The following KANK1 variants were observed in gnomAD, a reference collection of about 807,000 sequenced individuals.
KANK1 encodes KN motif and ankyrin repeat domain-containing protein 1.
In KANK1, 109 loss-of-function variants were observed where a neutral mutation model predicts 106.2. The ratio of observed to expected loss-of-function variants is 1.03; its 90% CI spans 0.88 to 1.20. The LOEUF is 1.20. Ranked by LOEUF, KANK1 falls within the 50% of genes most tolerant of loss-of-function variation. The probability of loss-of-function intolerance (pLI) is 0.00; values close to 1 mark genes in which losing one functional copy is unlikely to be tolerated. For synonymous variants in KANK1, 873 were observed against 652.2 expected, an observed-to-expected ratio of 1.34 and a Z score of -5.16; for missense variants, 2,399 against 1,710.7, an observed-to-expected ratio of 1.40 and a Z score of -7.10.
At chr9:618,868 A>G (rs183796761) in intron 1 of KANK1, among the ~76,000 whole-genome samples, 1 of 152,308 alleles carries the variant, frequency 6.6e-6, no homozygotes, top group East Asian at 1.9e-4. Flanking sequence ...TCTCCACCTT[A>G]TTAATCCATG....
intron 3 of KANK1, among the ~76,000 whole-genome samples, chr9:719,879 C>T (rs1031469762): frequency 6.6e-6 from 1 of 152,170 alleles, no homozygotes; most frequent in Non-Finnish European, 1.5e-5. Flanking sequence ...CACCTTCCAG[C>T]TCTAGTTTCA....
intron 1 of KANK1, among the ~76,000 whole-genome samples, chr9:548,255 G>A (rs1260470599): frequency 1.3e-5 from 2 of 152,114 alleles, no homozygotes; most frequent in Non-Finnish European, 2.9e-5. Flanking sequence ...AGTAAAAGTG[G>A]TTACAAAAGA....
At chr9:528,218 G>A (rs1434648061) in intron 1 of KANK1, among the ~76,000 whole-genome samples, 3 of 151,382 alleles carry the variant, frequency 2.0e-5, no homozygotes, top group Non-Finnish European at 4.4e-5. Context: ...CATTTTTCTG[G>A]GCACACAATG....
upstream of KANK1, among the ~76,000 whole-genome samples, chr9:503,294 T>TAC (rs750971655): frequency 6.6e-6 from 1 of 152,116 alleles, no homozygotes; most frequent in African/African-American, 2.4e-5. Context: ...CCAAATGCCC[T>TAC]ACTCTACAGA....
chr9:643,686 T>G (rs1325612315), intron 1 of KANK1, among the ~76,000 whole-genome samples: 1 of 149,490 alleles, frequency 6.7e-6, no homozygotes, highest in Non-Finnish European at 1.5e-5. Flanking sequence ...AGCATTGATT[T>G]GTGGGGGTTT....
At chr9:535,145 A>G (rs1400288705) in intron 1 of KANK1, among the ~76,000 whole-genome samples, 1 of 152,144 alleles carries the variant, frequency 6.6e-6, no homozygotes, top group African/African-American at 2.4e-5. Context: ...GAGTCACCCA[A>G]AGAAACAACG....
At chr9:520,558 G>T (rs1468981084) in intron 1 of KANK1, among the ~76,000 whole-genome samples, 13 of 151,626 alleles carry the variant, frequency 8.6e-5, no homozygotes, top group African/African-American at 2.7e-4. Flanking sequence ...GGAGGTTAGC[G>T]AATAATTGAA....
chr9:694,070 T>C (rs1453254507), intron 2 of KANK1, among the ~76,000 whole-genome samples: 1 of 152,174 alleles, frequency 6.6e-6, no homozygotes, highest in Non-Finnish European at 1.5e-5. Flanking sequence ...AATAATTTCC[T>C]TTTTTGTTGC....
At position 686,752 on chromosome 9, in the gene KANK1, G is replaced by A. The variant is rs779222381; in HGVS notation, c.37+9743G>A. ...ATGATTGTTACCTATGAGCCTATCC[G>A]GTAAGGGATCTGAGTGGGCCCAAGC... On this transcript the variant is annotated intron_variant, in intron 2 of 11. Coordinates refer to ENST00000382297, the MANE Select transcript of KANK1 (RefSeq NM_015158.5). The A allele has an allele frequency of 1.3e-5, 13 of 985,182 alleles. No homozygotes were observed. In the East Asian group the frequency reaches 6.8e-4, roughly 52 times the overall value. The allele number at this position is 985,182 out of a possible 1,614,324, so 61.0% of individuals were successfully genotyped here. A position where few individuals can be genotyped will look rare whatever the true frequency, so the allele number is the denominator to read the frequency against.
At chr9:531,338 C>T (rs888850481) in intron 1 of KANK1, among the ~76,000 whole-genome samples, 3 of 151,852 alleles carry the variant, frequency 2.0e-5, no homozygotes, top group Non-Finnish European at 4.4e-5. Flanking sequence ...GACTGAGGTG[C>T]GAGGGTTGCT....
chr9:732,466 C>T lies in KANK1; in HGVS notation c.3094C>T (p.Leu1032Phe). ...DDECDVIEYP[L>F]EEEEEEEDED... is the part of the protein sequence containing the mutation. ...CGAGTGTGATGTCATTGAGTATCCTCTTGAAGAAGAGGAGGAGGAGGAGGA... is the reference window on the plus strand; with the variant it reads ...CGAGTGTGATGTCATTGAGTATCCTTTTGAAGAAGAGGAGGAGGAGGAGGA... The change falls in exon 6 of 12, where the codon CTT becomes TTT. Residue 1032 changes from leucine to phenylalanine, a missense_variant. Leu to Phe is a conservative substitution (Grantham distance 22). Transcript: ENST00000382297. 6.2e-7 allele frequency: 1 copy of T among 1,614,068 alleles called. No individual in the cohort carries two copies. The highest frequency in any genetic ancestry group is 8.5e-7 in the Non-Finnish European group (1 of 1,180,016).
intron 3 of KANK1, chr9:476,643 C>G (rs963567376): frequency 9.8e-5 from 15 of 152,322 alleles, no homozygotes; most frequent in African/African-American, 3.6e-4. Flanking sequence ...TACCGTCTTT[C>G]CTGCCCAGCT....
intron 7 of KANK1, chr9:735,612 C>G (rs1275809030): frequency 1.4e-5 from 3 of 219,156 alleles, no homozygotes; most frequent in Admixed American, 4.0e-5. Flanking sequence ...TACTCAAGTC[C>G]CTTATGTAAA....
At chr9:730,700 CGAAA>C (rs1564101238) in intron 4 of KANK1, 3 of 189,782 alleles carry the variant, frequency 1.6e-5, no homozygotes, top group Non-Finnish European at 3.3e-5. Context: ...CTCAAAATTA[CGAAA>C]GAAAGCTGTA....
rs527903847 is a variant in KANK1, at chr9:630,510, C to T, written c.-83-46380C>T. Among the ~76,000 whole-genome samples, 6 of 152,094 alleles carry T rather than the reference C, an allele frequency of 3.9e-5. No individual in the cohort carries two copies. The South Asian group carries it at 1.2e-3, about 32-fold the overall frequency. ...AGCTTGCAGTGAGCTGAGATCCCGC[C>T]ACTGCACTGCAGCCTGGGCGACAGA... On this transcript the variant is annotated intron_variant, in intron 1 of 11. Coordinates refer to ENST00000382297, the MANE Select transcript of KANK1 (RefSeq NM_015158.5).
At chr9:597,205 A>C (rs939617776) in intron 1 of KANK1, among the ~76,000 whole-genome samples, 1 of 151,722 alleles carries the variant, frequency 6.6e-6, no homozygotes, top group African/African-American at 2.4e-5. Context: ...TAAGTACTTG[A>C]GTCCCTGTTT....
At chr9:637,510 G>A (rs1430072002) in intron 1 of KANK1, among the ~76,000 whole-genome samples, 1 of 152,096 alleles carries the variant, frequency 6.6e-6, no homozygotes, top group Non-Finnish European at 1.5e-5. Context: ...ACTCAAGTAC[G>A]TATTGCTGGG....
intron 1 of KANK1, among the ~76,000 whole-genome samples, chr9:584,842 G>C (rs992536785): frequency 2.0e-5 from 3 of 152,204 alleles, no homozygotes; most frequent in Non-Finnish European, 4.4e-5. Flanking sequence ...TTCAGGGTTA[G>C]AAAATGACCA....
rs781040815 is a variant in KANK1 at position 713,167 on chromosome 9, G to C, written c.2401G>C (p.Asp801His). ...TASRRSVGVG[D>H]DPVGESLENP... ...CAGCAGAAGGAGCGTGGGGGTTGGGGATGACCCTGTAGGGGAATCTCTGGA... is the reference window on the plus strand; with the variant it reads ...CAGCAGAAGGAGCGTGGGGGTTGGGCATGACCCTGTAGGGGAATCTCTGGA... The change falls in exon 3 of 12, where the codon GAT becomes CAT. Residue 801 changes from aspartate to histidine, a missense_variant. Coordinates refer to ENST00000382297, the MANE Select transcript of KANK1 (RefSeq NM_015158.5). 12 of 1,588,772 alleles carry C rather than the reference G, an allele frequency of 7.6e-6. No homozygotes were observed. The highest frequency in any genetic ancestry group is 1.0e-5 in the Non-Finnish European group (12 of 1,166,702).
Sources: allele counts gnomAD v4.1 joint callset (sites outside exome capture counted in the v4.1 genomes callset), GRCh38; gene constraint gnomAD v4.1.1; transcripts MANE v1.5; gene names NCBI Gene and HGNC (gene_info 2026-07-23, HGNC 2026-07-21).